The following RBM20 variants were observed in gnomAD, a reference collection of about 807,000 sequenced individuals.
The protein encoded by RBM20 is RNA-binding protein 20.
RBM20 carries 51 observed loss-of-function variants against 110.1 expected under a neutral mutation model. The observed-to-expected ratio is 0.46, with a 90% confidence interval of 0.37 to 0.59. The LOEUF is 0.59. RBM20 is among the 20% of genes least tolerant of loss of function. The probability of loss-of-function intolerance (pLI) is 0.00; values close to 1 mark genes in which losing one functional copy is unlikely to be tolerated. For missense variants in RBM20, 1,512 were observed against 1,574.9 expected, an observed-to-expected ratio of 0.96 and a Z score of 0.68; for synonymous variants, 589 against 618.2, an observed-to-expected ratio of 0.95 and a Z score of 0.70.
At chr10:110,709,552 G>A (rs4918576) in intron 1 of RBM20, among the ~76,000 whole-genome samples, 24,882 of 149,130 alleles carry the variant, frequency 0.17, 2,259 homozygotes, top group East Asian at 0.32. Flanking sequence ...TTAAAGATCA[G>A]TGATAATTTC....
intron 1 of RBM20, among the ~76,000 whole-genome samples, chr10:110,702,848 T>G (rs1420582799): frequency 6.6e-6 from 1 of 152,238 alleles, no homozygotes; most frequent in Non-Finnish European, 1.5e-5. Flanking sequence ...GAAATTATGG[T>G]ACATACCACA....
intron 1 of RBM20, among the ~76,000 whole-genome samples, chr10:110,714,788 T>G (rs779244434): frequency 6.6e-6 from 1 of 151,830 alleles, no homozygotes; most frequent in Non-Finnish European, 1.5e-5. Flanking sequence ...CCTTCCCTAG[T>G]AGTTGACCTG....
At chr10:110,736,694 C>T (rs979111717) in intron 1 of RBM20, among the ~76,000 whole-genome samples, 5 of 152,176 alleles carry the variant, frequency 3.3e-5, no homozygotes, top group African/African-American at 1.2e-4. Context: ...GATCCACCAC[C>T]ACCTAATGGA....
chr10:110,819,921 A>G, intron 9 of RBM20, 151 bp from the exon 10 acceptor site: 1 of 507,682 alleles, frequency 2.0e-6, no homozygotes, highest in Non-Finnish European at 3.5e-6. Context: ...TGCTGATAGC[A>G]GCTGCCTCCA....
At chr10:110,689,750 T>C (rs770451176) in intron 1 of RBM20, among the ~76,000 whole-genome samples, 80 of 152,200 alleles carry the variant, frequency 5.3e-4, no homozygotes, top group Non-Finnish European at 8.5e-4. Context: ...TTAGTGACAA[T>C]TGGCATAGAG....
intron 1 of RBM20, among the ~76,000 whole-genome samples, chr10:110,764,078 G>A (rs1018803274): frequency 2.6e-4 from 39 of 152,128 alleles, no homozygotes; most frequent in African/African-American, 8.7e-4. Context: ...AGTTACCACT[G>A]GGTAGGTGAA....
intron 13 of RBM20, chr10:110,831,478 T>C (rs1034227937): frequency 7.8e-6 from 2 of 255,128 alleles, no homozygotes; most frequent in Admixed American, 5.0e-5. Context: ...GTCTCTACTT[T>C]AATACCTAAA....
At chr10:110,663,485 T>C (rs1198154107) in intron 1 of RBM20, among the ~76,000 whole-genome samples, 3 of 152,228 alleles carry the variant, frequency 2.0e-5, no homozygotes, top group Non-Finnish European at 4.4e-5. Flanking sequence ...GCTTATACTT[T>C]TTTAAAAATG....
At chr10:110,746,019 G>C (rs12265294) in intron 1 of RBM20, among the ~76,000 whole-genome samples, 1,632 of 152,230 alleles carry the variant, frequency 0.011, 29 homozygotes, top group African/African-American at 0.037. Context: ...ATGATTCTGT[G>C]GGTTATGACT....
chr10:110,774,235 C>G (rs972617323), intron 1 of RBM20, among the ~76,000 whole-genome samples: 1 of 152,098 alleles, frequency 6.6e-6, no homozygotes, highest in Non-Finnish European at 1.5e-5. Flanking sequence ...CATTAACACA[C>G]CAACTGAAAA....
Position 110,645,005 on chromosome 10 carries a change from G to C in RBM20, c.191+360G>C, listed in dbSNP as rs552975338. Among the ~76,000 whole-genome samples the C allele has an allele frequency of 1.4e-4, 22 of 152,234 alleles. No individual in the cohort carries two copies. In the South Asian group the frequency reaches 3.3e-3, roughly 23 times the overall value. On this transcript the variant is annotated intron_variant, in intron 1 of 13. Coordinates refer to ENST00000369519, the MANE Select transcript of RBM20 (RefSeq NM_001134363.3). The stretch of plus-strand genomic sequence containing the variant: ...CGCTGGAATGGAGAGTCGTGCGTGA[G>C]TGTGTGCGCGCGCGTGAGGGTGTGT...
chr10:110,781,301 A>G lies in RBM20; in HGVS notation c.692A>G (p.Tyr231Cys), dbSNP rs1287150773. 6 of 1,551,588 alleles carry G rather than the reference A, an allele frequency of 3.9e-6. No individual in the cohort carries two copies. The highest frequency in any genetic ancestry group is 5.2e-6 in the Non-Finnish European group (6 of 1,146,998). ...CCAGCTACAGCAGGATTCTATGAGT[A>G]TGGCAAAGCCAGCTCTGGCCAGACA... ...PAPATAGFYE[Y>C]GKASSGQTYG... The change falls in exon 2 of 14, where the codon TAT becomes TGT. Residue 231 changes from tyrosine (Y) to cysteine (C), a missense_variant. By Grantham distance (194) the Tyr-to-Cys change is radical. Coordinates refer to ENST00000369519, the MANE Select transcript of RBM20 (RefSeq NM_001134363.3).
chr10:110,684,902 C>T (rs929425894), intron 1 of RBM20, among the ~76,000 whole-genome samples: 3 of 152,224 alleles, frequency 2.0e-5, no homozygotes, highest in Non-Finnish European at 4.4e-5. Context: ...CCACCACGCA[C>T]ACACAAAATG....
At chr10:110,647,069 T>G (rs1861879359) in intron 1 of RBM20, among the ~76,000 whole-genome samples, 1 of 152,242 alleles carries the variant, frequency 6.6e-6, no homozygotes, top group Non-Finnish European at 1.5e-5. Flanking sequence ...ATTACAAACA[T>G]TTTTCCACTT....
chr10:110,779,685 T>C (rs554160553), intron 1 of RBM20, among the ~76,000 whole-genome samples: 3 of 152,302 alleles, frequency 2.0e-5, no homozygotes, highest in Non-Finnish European at 4.4e-5. Context: ...CAGAACTGAA[T>C]TGGCAGACAC....
intron 1 of RBM20, among the ~76,000 whole-genome samples, chr10:110,757,705 T>C (rs1843938898): frequency 6.6e-6 from 1 of 152,292 alleles, no homozygotes; most frequent in East Asian, 1.9e-4. Context: ...GCATTGACTG[T>C]TGGGGAATAA....
chr10:110,719,879 G>A (rs535996914), intron 1 of RBM20, among the ~76,000 whole-genome samples: 2 of 152,176 alleles, frequency 1.3e-5, no homozygotes, highest in Admixed American at 6.5e-5. Context: ...TGTTTGGGCT[G>A]TCTTATTGGG....
intron 5 of RBM20, among the ~76,000 whole-genome samples, chr10:110,796,935 A>G (rs1376581017): frequency 6.6e-6 from 1 of 152,234 alleles, no homozygotes; most frequent in Non-Finnish European, 1.5e-5. Context: ...CACATGAGCC[A>G]TCACATATTG....
intron 1 of RBM20, among the ~76,000 whole-genome samples, chr10:110,776,700 C>A (rs1844269378): frequency 6.6e-6 from 1 of 152,196 alleles, no homozygotes; most frequent in African/African-American, 2.4e-5. Context: ...TAATCAAGAT[C>A]TTTAATTCAA....
Sources: allele counts gnomAD v4.1 joint callset (sites outside exome capture counted in the v4.1 genomes callset), GRCh38; gene constraint gnomAD v4.1.1; transcripts MANE v1.5; gene names NCBI Gene and HGNC (gene_info 2026-07-23, HGNC 2026-07-21).